RAD50: variants seen among roughly 807,000 people sequenced by gnomAD.
RAD50 encodes the protein DNA repair protein RAD50.
Under a neutral mutation model 168.8 loss-of-function variants are expected in RAD50, and 132 were observed. That is an observed-to-expected ratio of 0.78 (90% CI 0.68 to 0.90). The LOEUF (loss-of-function observed/expected upper bound fraction) is 0.90. RAD50 is among the 40% of genes least tolerant of loss of function. The probability of loss-of-function intolerance (pLI) is 0.00; values close to 1 mark genes in which losing one functional copy is unlikely to be tolerated. For missense variants in RAD50, 1,347 were observed against 1,534.4 expected, an observed-to-expected ratio of 0.88 and a Z score of 2.04; for synonymous variants, 525 against 497.4, an observed-to-expected ratio of 1.06 and a Z score of -0.74.
intron 5 of RAD50, among the ~76,000 whole-genome samples, chr5:132,585,755 T>TCACACC (rs1750585870): frequency 6.6e-6 from 1 of 151,922 alleles, no homozygotes; most frequent in Non-Finnish European, 1.5e-5. Context: ...AGGCACACAC[T>TCACACC]CACCACACCG....
At chr5:132,575,348 G>A (rs1281330078) in intron 2 of RAD50, among the ~76,000 whole-genome samples, 1 of 152,188 alleles carries the variant, frequency 6.6e-6, no homozygotes, top group Non-Finnish European at 1.5e-5. Flanking sequence ...CACAAGAACA[G>A]CATGGGAAAG....
At chr5:132,615,903 A>G (rs1332037172) in intron 19 of RAD50, 100 bp from the exon 20 acceptor site, 1 of 1,148,362 alleles carries the variant, frequency 8.7e-7, no homozygotes, top group East Asian at 2.4e-5. Flanking sequence ...CATGATTCTA[A>G]GTAAGACAGA....
At chr5:132,559,420 C>T in intron 2 of RAD50, 53 bp downstream of exon 2, 2 of 1,534,188 alleles carry the variant, frequency 1.3e-6, no homozygotes, top group Non-Finnish European at 1.8e-6. Flanking sequence ...ATGATAATAG[C>T]TTATTATAGA....
At chr5:132,581,831 C>T (rs981521001) in intron 5 of RAD50, among the ~76,000 whole-genome samples, 4 of 152,052 alleles carry the variant, frequency 2.6e-5, no homozygotes, top group African/African-American at 9.7e-5. Flanking sequence ...GTGTGGGTCC[C>T]GTGGTAATTA....
At chr5:132,609,653 G>A (rs1018867501) in intron 19 of RAD50, among the ~76,000 whole-genome samples, 30 of 152,066 alleles carry the variant, frequency 2.0e-4, no homozygotes, top group African/African-American at 5.3e-4. Context: ...GTGGCGGCGC[G>A]CACCTGTAGT....
At position 132,609,138 on chromosome 5, in the gene RAD50, G is replaced by T. The variant is rs1257399328; in HGVS notation, c.2851G>T (p.Val951Phe). 1 of 1,611,616 alleles carries T rather than the reference G, an allele frequency of 6.2e-7. No individual in the cohort carries two copies. The highest frequency in any genetic ancestry group is 8.5e-7 in the Non-Finnish European group (1 of 1,178,956). The stretch of plus-strand genomic sequence containing the variant: ...ACAGCTGAATGATATTAAAGAGAAG[G>T]TTAAAAATATTCATGGCTATATGAA... Reference protein sequence around the residue: ...QDKLNDIKEKVKNIHGYMKDI... With the variant: ...QDKLNDIKEKFKNIHGYMKDI... The change falls in exon 18 of 25, where the codon GTT (valine) becomes TTT (phenylalanine). Residue 951 changes from valine (V) to phenylalanine (F), a missense_variant. Val to Phe is a conservative substitution (Grantham distance 50). Transcript: ENST00000378823.
In RAD50 at chr5:132,633,820, C is replaced by T. The variant is rs188740154; in HGVS notation, c.3390-3295C>T. On this transcript the variant is annotated intron_variant, in intron 21 of 24. Coordinates refer to ENST00000378823, the MANE Select transcript of RAD50 (RefSeq NM_005732.4). ...TCAAACTCCAGGCTCAAGCAATCCT[C>T]CCACCTCAGCTGCCCAAATACTTTA... Among the ~76,000 whole-genome samples the T allele has an allele frequency of 1.5e-3, 229 of 152,246 alleles. 1 individual carries two copies. Among genetic ancestry groups the T allele is most frequent in the Non-Finnish European group, 2.3e-3 (154 of 68,022 alleles).
chr5:132,601,646 TA>T (rs1169228134), intron 13 of RAD50, among the ~76,000 whole-genome samples: 7 of 151,402 alleles, frequency 4.6e-5, no homozygotes, highest in African/African-American at 9.7e-5. Flanking sequence ...TTCTGTGGTA[TA>T]AAAAAAAACT....
In RAD50 at chr5:132,638,072, C is replaced by A; in HGVS notation, c.3476-9C>A. On this transcript the variant is annotated splice_polypyrimidine_tract_variant and intron_variant, in intron 22 of 24. Transcript: ENST00000378823. ...AGGTTCCTCTAAAATATTCTTCTTC[C>A]TGTGTCAGATATTGAATACATAGAA... is the stretch of plus-strand genomic sequence containing the variant. 1 of 1,613,616 alleles carries A rather than the reference C, an allele frequency of 6.2e-7. No individual in the cohort carries two copies. The highest frequency in any genetic ancestry group is 8.5e-7 in the Non-Finnish European group (1 of 1,179,584).
At chr5:132,602,118 T>TA (rs1276798595) in intron 13 of RAD50, among the ~76,000 whole-genome samples, 1 of 152,116 alleles carries the variant, frequency 6.6e-6, no homozygotes, top group Admixed American at 6.5e-5. Flanking sequence ...TCCCAGAACT[T>TA]AAAGCATAAA....
At chr5:132,609,539 T>G (rs1214923951) in intron 19 of RAD50, 143 bp downstream of exon 19, 2 of 1,364,770 alleles carry the variant, frequency 1.5e-6, no homozygotes, top group Non-Finnish European at 2.0e-6. Flanking sequence ...CCCTGCACTT[T>G]GGAAGGCCGA....
Position 132,642,392 on chromosome 5 carries a change from A to C in RAD50, c.*28A>C, listed in dbSNP as rs757800106. 29 of 1,582,200 alleles carry C rather than the reference A, an allele frequency of 1.8e-5. No individual in the cohort carries two copies. The highest frequency in any genetic ancestry group is 1.7e-4 in the Middle Eastern group (1 of 5,990). ...ATATCCAAGATTTAAATGCCATAGA[A>C]ATGTAGGTCCTCAGAAAGTGTATAA... is the stretch of plus-strand genomic sequence containing the variant. On this transcript the variant is annotated 3_prime_UTR_variant, in exon 25 of 25. Coordinates refer to ENST00000378823, the MANE Select transcript of RAD50 (RefSeq NM_005732.4).
chr5:132,639,525 G>GTAAT (rs1751671620), intron 23 of RAD50, among the ~76,000 whole-genome samples: 1 of 152,156 alleles, frequency 6.6e-6, no homozygotes, highest in Admixed American at 6.5e-5. Context: ...ATTTTTAGTG[G>GTAAT]TAATTATAAA....
At chr5:132,640,925 A>G (rs891556671) in intron 24 of RAD50, 120 bp downstream of exon 24, 1 of 1,538,252 alleles carries the variant, frequency 6.5e-7, no homozygotes, top group South Asian at 1.1e-5. Flanking sequence ...TGTGTTCCCC[A>G]CTTCTTGGGG....
chr5:132,580,840 G>A (rs986293622), intron 5 of RAD50, among the ~76,000 whole-genome samples: 2 of 151,966 alleles, frequency 1.3e-5, no homozygotes. Context: ...CTTAAAAATG[G>A]CTATTTGCTA....
intron 19 of RAD50, among the ~76,000 whole-genome samples, chr5:132,611,096 A>G (rs976284226): frequency 5.3e-5 from 8 of 152,232 alleles, no homozygotes; most frequent in African/African-American, 1.9e-4. Context: ...CTAGTAGTCA[A>G]ATAAAGAGAG....
chr5:132,558,085 T>C (rs1433806862), intron 1 of RAD50, among the ~76,000 whole-genome samples: 1 of 151,944 alleles, frequency 6.6e-6, no homozygotes, highest in Non-Finnish European at 1.5e-5. Context: ...TGGTCAGGAA[T>C]AGTGGCTTAA....
At chr5:132,574,822 A>G (rs941830693) in intron 2 of RAD50, among the ~76,000 whole-genome samples, 8 of 152,190 alleles carry the variant, frequency 5.3e-5, no homozygotes, top group African/African-American at 1.9e-4. Flanking sequence ...AAATGCTGCC[A>G]GTTTCTTTGC....
chr5:132,581,888 G>T (rs1392206021), intron 5 of RAD50, among the ~76,000 whole-genome samples: 1 of 151,650 alleles, frequency 6.6e-6, no homozygotes, highest in Non-Finnish European at 1.5e-5. Context: ...TTTCCCCCTT[G>T]CCCCACTCCA....
Sources: gnomAD v4.1 joint callset for allele counts (sites outside exome capture counted in the v4.1 genomes callset) on GRCh38, gnomAD v4.1.1 for gene constraint, MANE v1.5 for transcripts, NCBI Gene and HGNC (gene_info 2026-07-23, HGNC 2026-07-21) for gene names.